FMNL2: variants seen among roughly 807,000 people sequenced by gnomAD.
The protein encoded by FMNL2 is formin like 2, also known as formin-like protein 2.
FMNL2 carries 51 observed loss-of-function variants against 130.2 expected under a neutral mutation model. The observed-to-expected ratio is 0.39, with a 90% CI of 0.31 to 0.49. FMNL2 has a LOEUF of 0.49. FMNL2 is among the 20% of genes least tolerant of loss of function. FMNL2 has a pLI of 0.85. For missense variants in FMNL2, 977 were observed against 1,316.2 expected (o/e 0.74, Z 3.99); for synonymous variants, 465 against 467.1 (o/e 1.00, Z 0.06).
intron 1 of FMNL2, among the ~76,000 whole-genome samples, chr2:152,358,676 A>G (rs982803353): frequency 1.5e-5 from 2 of 135,904 alleles, no homozygotes; most frequent in Admixed American, 6.9e-5. Flanking sequence ...TCCTTCATGT[A>G]TACATATATC....
At chr2:152,542,026 C>T (rs184862071) in intron 2 of FMNL2, among the ~76,000 whole-genome samples, 18 of 152,212 alleles carry the variant, frequency 1.2e-4, no homozygotes, top group Non-Finnish European at 4.4e-5. Flanking sequence ...TAGCATAAAA[C>T]GTGTTAGAAA....
Position 152,648,287 on chromosome 2 carries a change from T to G in FMNL2, c.*382T>G, listed in dbSNP as rs1346655687. On this transcript the variant is annotated 3_prime_UTR_variant, in exon 26 of 26. Transcript: ENST00000288670. ...ATCAATGCATCTGCTGTGGGTCCTT[T>G]GCTGAGATGTCTTCGAAGGAATTTT... is the stretch of plus-strand genomic sequence containing the variant. 1.2e-5 allele frequency: 2 copies of G among 172,480 alleles called. No individual in the cohort carries two copies. Among genetic ancestry groups the G allele is most frequent in the Admixed American group, 1.2e-4 (2 of 16,720 alleles). 10.7% of individuals were successfully genotyped at this position (172,480 alleles called of 1,614,324 possible).
chr2:152,468,469 T>C (rs1689675265), intron 1 of FMNL2, among the ~76,000 whole-genome samples: 1 of 152,222 alleles, frequency 6.6e-6, no homozygotes, highest in African/African-American at 2.4e-5. Context: ...TTTTTTTCAT[T>C]TGTATATTTT....
At chr2:152,603,271 G>A (rs1455569801) in intron 9 of FMNL2, among the ~76,000 whole-genome samples, 1 of 152,142 alleles carries the variant, frequency 6.6e-6, no homozygotes, top group Non-Finnish European at 1.5e-5. Flanking sequence ...TCCTTACCAT[G>A]GAGAGTGGTC....
chr2:152,486,263 T>A (rs745531219), intron 1 of FMNL2, among the ~76,000 whole-genome samples: 1 of 152,254 alleles, frequency 6.6e-6, no homozygotes, highest in Non-Finnish European at 1.5e-5. Context: ...CCACACTGCA[T>A]GCTTTTGTGT....
At chr2:152,388,584 A>C (rs1684921965) in intron 1 of FMNL2, among the ~76,000 whole-genome samples, 1 of 152,094 alleles carries the variant, frequency 6.6e-6, no homozygotes, top group South Asian at 2.1e-4. Flanking sequence ...TCAAGATGAC[A>C]TTTGGGTGGG....
intron 10 of FMNL2, among the ~76,000 whole-genome samples, chr2:152,610,749 CTG>C (rs1334346950): frequency 6.6e-6 from 1 of 152,120 alleles, no homozygotes; most frequent in Non-Finnish European, 1.5e-5. Flanking sequence ...CTCTGAACAT[CTG>C]TGTAAAGATT....
At chr2:152,364,246 T>A (rs551218338) in intron 1 of FMNL2, among the ~76,000 whole-genome samples, 1 of 145,526 alleles carries the variant, frequency 6.9e-6, no homozygotes. Flanking sequence ...TTCACATCCG[T>A]TAGGAGGTTT....
At chr2:152,604,530 G>A (rs375731172) in intron 9 of FMNL2, among the ~76,000 whole-genome samples, 13 of 143,356 alleles carry the variant, frequency 9.1e-5, no homozygotes, top group African/African-American at 2.7e-4. Flanking sequence ...AGCTCTCCCC[G>A]AATTCAGGAT....
chr2:152,590,034 C>CATACAT (rs1697343385), intron 9 of FMNL2, among the ~76,000 whole-genome samples: 4 of 104,412 alleles, frequency 3.8e-5, no homozygotes, highest in Admixed American at 2.0e-4. Context: ...TATACATATA[C>CATACAT]ATACATATAC....
At chr2:152,480,633 TAAAAAAAAAAAAAA>T (rs58943356) in intron 1 of FMNL2, among the ~76,000 whole-genome samples, 6 of 37,390 alleles carry the variant, frequency 1.6e-4, no homozygotes, top group East Asian at 1.1e-3. Flanking sequence ...AGACTCTGTC[TAAAAAAAAAAAAAA>T]AAAAAAAAAA....
intron 1 of FMNL2, among the ~76,000 whole-genome samples, chr2:152,436,314 A>G (rs1319653456): frequency 2.0e-5 from 3 of 151,744 alleles, no homozygotes; most frequent in East Asian, 3.9e-4. Flanking sequence ...ATGCTTGGCT[A>G]TTTTTTCCAA....
chr2:152,518,407 T>C (rs1415035111), intron 1 of FMNL2, among the ~76,000 whole-genome samples: 2 of 152,240 alleles, frequency 1.3e-5, no homozygotes, highest in Non-Finnish European at 2.9e-5. Flanking sequence ...TGACAATAAC[T>C]AATCATGCTC....
chr2:152,646,071 T>TAA (rs1683524424), intron 25 of FMNL2, among the ~76,000 whole-genome samples: 1 of 151,218 alleles, frequency 6.6e-6, no homozygotes, highest in East Asian at 2.0e-4. Flanking sequence ...CTGTAATCTG[T>TAA]AATCCCAGCA....
At chr2:152,481,874 C>T (rs1176537920) in intron 1 of FMNL2, among the ~76,000 whole-genome samples, 1 of 152,160 alleles carries the variant, frequency 6.6e-6, no homozygotes, top group Non-Finnish European at 1.5e-5. Context: ...AACCTTAATG[C>T]TAGCCTGGGG....
intron 1 of FMNL2, among the ~76,000 whole-genome samples, chr2:152,514,582 A>G (rs1026110720): frequency 1.3e-5 from 2 of 152,174 alleles, no homozygotes; most frequent in Non-Finnish European, 2.9e-5. Flanking sequence ...CCCTCAGTGG[A>G]TATCTGGAAC....
intron 1 of FMNL2, among the ~76,000 whole-genome samples, chr2:152,461,870 G>A (rs529086532): frequency 7.4e-4 from 113 of 152,166 alleles, no homozygotes; most frequent in Non-Finnish European, 1.4e-3. Flanking sequence ...GTCCAGTAAA[G>A]GTAGTCACTA....
At chr2:152,419,848 G>A (rs1686818705) in intron 1 of FMNL2, among the ~76,000 whole-genome samples, 1 of 152,118 alleles carries the variant, frequency 6.6e-6, no homozygotes, top group East Asian at 1.9e-4. Flanking sequence ...GCTGGAAGCT[G>A]CAGAATATGG....
chr2:152,589,993 A>ATGTATATGTATATG (rs1332756674), intron 9 of FMNL2, among the ~76,000 whole-genome samples: 1 of 114,624 alleles, frequency 8.7e-6, no homozygotes, highest in Non-Finnish European at 1.8e-5. Flanking sequence ...ATGTATATGT[A>ATGTATATGTATATG]TATGTATATA....
Sources: allele counts gnomAD v4.1 joint callset (sites outside exome capture counted in the v4.1 genomes callset), GRCh38; gene constraint gnomAD v4.1.1; transcripts MANE v1.5; gene names NCBI Gene and HGNC (gene_info 2026-07-23, HGNC 2026-07-21).